The following SLC39A12 variants were observed in gnomAD, a reference collection of about 807,000 sequenced individuals.
SLC39A12 encodes the protein solute carrier family 39 member 12.
A neutral mutation model predicts 71.1 loss-of-function variants in SLC39A12; 63 were observed. That is an observed-to-expected ratio of 0.89 (90% CI 0.72 to 1.09). The LOEUF (loss-of-function observed/expected upper bound fraction) is 1.09, where lower values mean the gene tolerates loss of function less well. Among genes scored for constraint, SLC39A12 ranks in the 50% least tolerant of loss-of-function variants. The pLI, the probability that SLC39A12 is intolerant of heterozygous loss-of-function variation, is 0.00. For synonymous variants in SLC39A12, 351 were observed against 301.3 expected (o/e 1.16, Z -1.71); for missense variants, 892 against 812.6 (o/e 1.10, Z -1.19).
chr10:18,011,223 G>A (rs1302321765), intron 12 of SLC39A12, among the ~76,000 whole-genome samples: 1 of 151,962 alleles, frequency 6.6e-6, no homozygotes, highest in African/African-American at 2.4e-5. Context: ...TGGAGTAGCT[G>A]GGATTGCAAA....
At chr10:18,007,727 G>A (rs1398611359) in intron 12 of SLC39A12, among the ~76,000 whole-genome samples, 3 of 152,174 alleles carry the variant, frequency 2.0e-5, no homozygotes, top group African/African-American at 4.8e-5. Context: ...GCATTTGTAA[G>A]TTGTCATGGC....
At position 17,961,695 on chromosome 10, in the gene SLC39A12, G is replaced by C; in HGVS notation, c.376G>C (p.Glu126Gln). The C allele has an allele frequency of 6.2e-7, 1 of 1,613,972 alleles. No homozygotes were observed. The highest frequency in any genetic ancestry group is 2.2e-5 in the East Asian group (1 of 44,862). The change falls in exon 3 of 13, where the codon GAA becomes CAA. Residue 126 changes from glutamate (E) to glutamine (Q), a missense_variant. Transcript: ENST00000377369. Reference protein sequence around the residue: ...LLLLYYIIHQEEICSSKLNMS... With the variant: ...LLLLYYIIHQQEICSSKLNMS... ...CCTTCTCTATTACATTATTCATCAG[G>C]AAGAGATCTGTTCTTCAAAGCTCAA... is the stretch of plus-strand genomic sequence containing the variant.
At chr10:18,002,745 C>G (rs1835872436) in intron 11 of SLC39A12, 1 of 153,284 alleles carries the variant, frequency 6.5e-6, no homozygotes, top group Non-Finnish European at 1.5e-5. Flanking sequence ...GTAGTTTTCT[C>G]TCCCCACAGC....
In SLC39A12 at chr10:17,952,007, G is replaced by A. The variant is rs1449762764; in HGVS notation, c.-105G>A. The A allele has an allele frequency of 1.3e-5, 2 of 152,144 alleles. No homozygotes were observed. Among genetic ancestry groups the A allele is most frequent in the Admixed American group, 6.5e-5 (1 of 15,286 alleles). 9.4% of individuals were successfully genotyped at this position (152,144 alleles called of 1,614,324 possible). A position where few individuals can be genotyped will look rare whatever the true frequency, so the allele number is the denominator to read the frequency against. ...GCTGTGGAGCTCCAGATAAAGAATC[G>A]TTTATCTTTCTTCTGAAGGTAAGCA... On this transcript the variant is annotated 5_prime_UTR_variant, in exon 1 of 13. Transcript: ENST00000377369.
intron 12 of SLC39A12, among the ~76,000 whole-genome samples, chr10:18,010,878 TTCC>T (rs1207987752): frequency 2.0e-5 from 3 of 152,124 alleles, no homozygotes; most frequent in African/African-American, 7.2e-5. Flanking sequence ...AGACCAACCG[TTCC>T]TCCTCCTCCT....
chr10:18,030,781 T>TCCCTCC (rs1455267982), intron 12 of SLC39A12, among the ~76,000 whole-genome samples: 2 of 124,998 alleles, frequency 1.6e-5, no homozygotes, highest in Non-Finnish European at 3.4e-5. Context: ...CCCAATGCTA[T>TCCCTCC]CCCTCCCCCT....
At chr10:17,963,214 G>C (rs545622182) in intron 3 of SLC39A12, among the ~76,000 whole-genome samples, 2 of 152,176 alleles carry the variant, frequency 1.3e-5, no homozygotes, top group South Asian at 4.1e-4. Context: ...TTCCTTTACA[G>C]AACTGTTTTC....
chr10:17,956,105 G>A (rs1589216591), intron 2 of SLC39A12, among the ~76,000 whole-genome samples: 1 of 152,078 alleles, frequency 6.6e-6, no homozygotes, highest in South Asian at 2.1e-4. Flanking sequence ...ATGTCTGTGA[G>A]GGTCAAATGG....
chr10:17,955,982 T>A (rs1256836150), intron 2 of SLC39A12, among the ~76,000 whole-genome samples: 2 of 152,166 alleles, frequency 1.3e-5, no homozygotes, highest in African/African-American at 4.8e-5. Context: ...CACCTTCTAG[T>A]GTTGAGACAT....
At chr10:17,960,732 C>T (rs1179565364) in intron 2 of SLC39A12, among the ~76,000 whole-genome samples, 6 of 152,122 alleles carry the variant, frequency 3.9e-5, no homozygotes, top group Non-Finnish European at 8.8e-5. Context: ...ACCACTAGCC[C>T]GCTTGTAACT....
At chr10:17,976,225 A>T (rs1469624819) in intron 4 of SLC39A12, among the ~76,000 whole-genome samples, 1 of 152,140 alleles carries the variant, frequency 6.6e-6, no homozygotes, top group Non-Finnish European at 1.5e-5. Context: ...TGATTGGTGG[A>T]GGCTTCTATT....
intron 4 of SLC39A12, among the ~76,000 whole-genome samples, chr10:17,971,033 G>A (rs1214844020): frequency 6.6e-6 from 1 of 151,882 alleles, no homozygotes; most frequent in Non-Finnish European, 1.5e-5. Flanking sequence ...TTCATCAAAT[G>A]CTTTTTCAGT....
intron 10 of SLC39A12, among the ~76,000 whole-genome samples, chr10:17,997,276 A>G (rs1835715442): frequency 6.6e-6 from 1 of 152,222 alleles, no homozygotes; most frequent in Non-Finnish European, 1.5e-5. Flanking sequence ...AGTCAGGGAT[A>G]GAAATACTAC....
chr10:18,037,600 AGG>A (rs1837092291), intron 12 of SLC39A12, among the ~76,000 whole-genome samples: 1 of 148,176 alleles, frequency 6.7e-6, no homozygotes, highest in East Asian at 2.0e-4. Flanking sequence ...GAGAAGTAAA[AGG>A]GGGGAAATAT....
At chr10:18,002,989 G>C (rs373072591) in intron 11 of SLC39A12, 182 bp from the exon 12 acceptor site, 50 of 553,380 alleles carry the variant, frequency 9.0e-5, no homozygotes, top group Middle Eastern at 9.5e-4. Context: ...CTTCCTAATA[G>C]TACGATGAAT....
At chr10:18,014,637 A>G (rs1018819148) in intron 12 of SLC39A12, among the ~76,000 whole-genome samples, 4 of 152,326 alleles carry the variant, frequency 2.6e-5, no homozygotes, top group African/African-American at 9.6e-5. Context: ...CATTTATGAC[A>G]ATAAATAAAG....
intron 3 of SLC39A12, among the ~76,000 whole-genome samples, chr10:17,962,743 A>T (rs1173413217): frequency 6.6e-6 from 1 of 152,168 alleles, no homozygotes; most frequent in Non-Finnish European, 1.5e-5. Context: ...AATTTCTTTT[A>T]TTGGCAGAGC....
chr10:17,979,331 T>C (rs1404915325), intron 5 of SLC39A12, among the ~76,000 whole-genome samples: 1 of 152,208 alleles, frequency 6.6e-6, no homozygotes, highest in Non-Finnish European at 1.5e-5. Context: ...CAGAAGTTTG[T>C]AATAGAATAA....
chr10:17,964,128 A>G (rs1834762656), intron 3 of SLC39A12, among the ~76,000 whole-genome samples: 1 of 152,182 alleles, frequency 6.6e-6, no homozygotes, highest in East Asian at 1.9e-4. Context: ...GATGGGAACA[A>G]TGGTTGGAAT....
Sources: gnomAD v4.1 joint callset for allele counts (sites outside exome capture counted in the v4.1 genomes callset) on GRCh38, gnomAD v4.1.1 for gene constraint, MANE v1.5 for transcripts, NCBI Gene and HGNC (gene_info 2026-07-23, HGNC 2026-07-21) for gene names.